Variants in ROBO2 observed in about 807,000 individuals in gnomAD.
The protein encoded by ROBO2 is roundabout homolog 2.
A neutral mutation model predicts 160.8 loss-of-function variants in ROBO2; 53 were observed. The ratio of observed to expected loss-of-function variants is 0.33; its 90% confidence interval spans 0.26 to 0.41. The LOEUF (loss-of-function observed/expected upper bound fraction) is 0.41, where lower values mean the gene tolerates loss of function less well. Among genes scored for constraint, ROBO2 ranks in the 10% least tolerant of loss-of-function variants. The pLI is 1.00. For synonymous variants in ROBO2, 664 were observed against 611.7 expected (o/e 1.09, Z -1.26); for missense variants, 1,577 against 1,722.4 (o/e 0.92, Z 1.49).
rs147748320 is a variant in ROBO2 at position 77,548,579 on chromosome 3, T to C, written c.1059+2117T>C. Among the ~76,000 whole-genome samples the C allele has an allele frequency of 1.3e-3, 192 of 152,176 alleles. 1 individual carries two copies. The highest frequency in any genetic ancestry group is 4.5e-3 in the African/African-American group (186 of 41,556). ...TTGTAGCTTAATAAACATAGGATAT[T>C]TAAATATGCTACATCTTTGTTAATG... On this transcript the variant is annotated intron_variant, in intron 7 of 25. Transcript: ENST00000461745.
At chr3:76,983,102 G>A (rs2060182596) in intron 2 of ROBO2, among the ~76,000 whole-genome samples, 1 of 151,950 alleles carries the variant, frequency 6.6e-6, no homozygotes, top group African/African-American at 2.4e-5. Flanking sequence ...TGGCCAACAT[G>A]GTGAAACCCC....
chr3:77,599,319 C>T (rs1323452332), intron 19 of ROBO2, among the ~76,000 whole-genome samples: 1 of 151,924 alleles, frequency 6.6e-6, no homozygotes, highest in Non-Finnish European at 1.5e-5. Context: ...TTGTAGAAAA[C>T]TCTGCTTTGT....
At chr3:77,402,833 C>T (rs1307250983) in intron 2 of ROBO2, among the ~76,000 whole-genome samples, 2 of 152,080 alleles carry the variant, frequency 1.3e-5, no homozygotes, top group Admixed American at 6.6e-5. Flanking sequence ...AAACCACGCA[C>T]TTGATCTCCC....
intron 6 of ROBO2, among the ~76,000 whole-genome samples, chr3:77,540,448 C>T (rs137945914): frequency 6.6e-6 from 1 of 150,714 alleles, no homozygotes; most frequent in East Asian, 1.9e-4. Context: ...TCAAACCTGT[C>T]CTCCAATCTA....
At chr3:76,489,775 T>C (rs1039700990) in intron 2 of ROBO2, among the ~76,000 whole-genome samples, 5 of 152,008 alleles carry the variant, frequency 3.3e-5, no homozygotes, top group Admixed American at 1.3e-4. Flanking sequence ...TAAAGATATA[T>C]GGTTTAAAAT....
intron 2 of ROBO2, among the ~76,000 whole-genome samples, chr3:77,314,639 G>A (rs898758765): frequency 2.6e-5 from 4 of 152,182 alleles, no homozygotes; most frequent in Admixed American, 2.6e-4. Context: ...AGAATAGACT[G>A]TGAGTCATAG....
intron 2 of ROBO2, among the ~76,000 whole-genome samples, chr3:76,058,560 T>C (rs2067938610): frequency 7.0e-6 from 1 of 141,886 alleles, no homozygotes; most frequent in Non-Finnish European, 1.5e-5. Flanking sequence ...ACGTTGCACA[T>C]GAACTATCAC....
intron 2 of ROBO2, among the ~76,000 whole-genome samples, chr3:76,331,410 GCTT>G (rs2073473295): frequency 1.3e-5 from 2 of 151,842 alleles, no homozygotes; most frequent in South Asian, 2.1e-4. Context: ...TTAATTACAA[GCTT>G]CTTTTTTTAT....
intron 2 of ROBO2, among the ~76,000 whole-genome samples, chr3:76,390,684 T>C (rs1021087509): frequency 1.3e-5 from 2 of 152,216 alleles, no homozygotes; most frequent in Non-Finnish European, 2.9e-5. Context: ...TACTCCTCTG[T>C]AGGTCTGTCA....
At chr3:77,048,198 A>G (rs530407715) in intron 1 of ROBO2, among the ~76,000 whole-genome samples, 1 of 152,326 alleles carries the variant, frequency 6.6e-6, no homozygotes, top group Non-Finnish European at 1.5e-5. Context: ...CTTTGCTATC[A>G]GACTAATTAT....
intron 2 of ROBO2, among the ~76,000 whole-genome samples, chr3:76,389,135 A>G (rs1429921365): frequency 6.6e-6 from 1 of 152,238 alleles, no homozygotes; most frequent in Admixed American, 6.5e-5. Flanking sequence ...TGTACCTTAT[A>G]CATTGATTTT....
chr3:76,740,028 T>G (rs2093776803), intron 2 of ROBO2, among the ~76,000 whole-genome samples: 1 of 152,230 alleles, frequency 6.6e-6, no homozygotes, highest in Non-Finnish European at 1.5e-5. Context: ...TCTTTTTGCC[T>G]ATATAACACT....
intron 2 of ROBO2, among the ~76,000 whole-genome samples, chr3:77,189,280 A>C (rs1167126938): frequency 6.6e-6 from 1 of 151,972 alleles, no homozygotes; most frequent in African/African-American, 2.4e-5. Context: ...AACATGTGGA[A>C]CATCTTGAAG....
chr3:76,945,600 G>A (rs1428722504), intron 2 of ROBO2, among the ~76,000 whole-genome samples: 2 of 152,098 alleles, frequency 1.3e-5, no homozygotes, highest in Admixed American at 1.3e-4. Flanking sequence ...ATTTGAAGTC[G>A]TTTCACCGCT....
At chr3:77,169,647 G>A (rs1428997357) in intron 2 of ROBO2, among the ~76,000 whole-genome samples, 4 of 152,180 alleles carry the variant, frequency 2.6e-5, no homozygotes, top group Non-Finnish European at 5.9e-5. Context: ...ACTTTTCTGT[G>A]TAACTGTGAC....
At chr3:76,262,262 A>G (rs1322897580) in intron 2 of ROBO2, among the ~76,000 whole-genome samples, 1 of 152,120 alleles carries the variant, frequency 6.6e-6, no homozygotes, top group East Asian at 1.9e-4. Flanking sequence ...GAATATGAGT[A>G]TTTGGTGACT....
chr3:76,612,628 G>T (rs867778932), intron 2 of ROBO2, among the ~76,000 whole-genome samples: 1 of 152,094 alleles, frequency 6.6e-6, no homozygotes, highest in Non-Finnish European at 1.5e-5. Context: ...TGGGTTGATA[G>T]GTGCAGCAAA....
chr3:76,732,644 A>G (rs1309980944), intron 2 of ROBO2, among the ~76,000 whole-genome samples: 1 of 152,066 alleles, frequency 6.6e-6, no homozygotes, highest in African/African-American at 2.4e-5. Context: ...TTACTCTTTG[A>G]TGGTTGACAG....
At chr3:76,612,595 T>C (rs1560234453) in intron 2 of ROBO2, among the ~76,000 whole-genome samples, 1 of 152,126 alleles carries the variant, frequency 6.6e-6, no homozygotes, top group Non-Finnish European at 1.5e-5. Flanking sequence ...ACCCAATGCA[T>C]GTGGGGCTTA....
Sources: allele counts gnomAD v4.1 joint callset (sites outside exome capture counted in the v4.1 genomes callset), GRCh38; gene constraint gnomAD v4.1.1; transcripts MANE v1.5; gene names NCBI Gene and HGNC (gene_info 2026-07-23, HGNC 2026-07-21).